The following MEIKIN variants were observed in gnomAD, a reference collection of about 807,000 sequenced individuals.
MEIKIN encodes the protein meiosis-specific kinetochore protein.
intron 8 of MEIKIN, among the ~76,000 whole-genome samples, chr5:131,880,264 ATTTT>A (rs67579794): frequency 7.2e-6 from 1 of 138,328 alleles, no homozygotes; most frequent in South Asian, 2.3e-4. Flanking sequence ...TAATTTTTGT[ATTTT>A]TTTTTTTTTT....
intron 12 of MEIKIN, among the ~76,000 whole-genome samples, chr5:131,813,620 G>C (rs961475309): frequency 1.3e-5 from 2 of 151,830 alleles, no homozygotes; most frequent in African/African-American, 4.8e-5. Flanking sequence ...GTAGAGACGG[G>C]GTTTCACTGT....
chr5:131,930,464 T>C (rs1041358239), intron 5 of MEIKIN, among the ~76,000 whole-genome samples: 5 of 152,216 alleles, frequency 3.3e-5, no homozygotes, highest in Admixed American at 1.3e-4. Flanking sequence ...GATAGTTTAT[T>C]TTGCTGTGCA....
At chr5:131,865,939 T>C (rs752325230) in intron 9 of MEIKIN, among the ~76,000 whole-genome samples, 1 of 152,220 alleles carries the variant, frequency 6.6e-6, no homozygotes, top group Non-Finnish European at 1.5e-5. Flanking sequence ...ATGTTAAGCA[T>C]GCCTGTCCTT....
At chr5:131,834,163 A>G (rs1225031873) in intron 11 of MEIKIN, among the ~76,000 whole-genome samples, 1 of 152,208 alleles carries the variant, frequency 6.6e-6, no homozygotes, top group African/African-American at 2.4e-5. Context: ...CTAAGTGTCC[A>G]CTGTATTTTA....
At chr5:131,893,365 T>C (rs1750971119) in intron 8 of MEIKIN, among the ~76,000 whole-genome samples, 1 of 152,198 alleles carries the variant, frequency 6.6e-6, no homozygotes, top group African/African-American at 2.4e-5. Flanking sequence ...TGAGCAAGGC[T>C]CCATGGGCGT....
chr5:131,937,213 G>A (rs1317075768), intron 4 of MEIKIN, among the ~76,000 whole-genome samples: 1 of 152,084 alleles, frequency 6.6e-6, no homozygotes, highest in African/African-American at 2.4e-5. Context: ...CTGAGAAAAG[G>A]TACAAAGAAT....
At chr5:131,922,032 A>G (rs774764114) in intron 5 of MEIKIN, 91 bp from the exon 6 acceptor site, 2 of 395,722 alleles carry the variant, frequency 5.1e-6, no homozygotes, top group Admixed American at 4.4e-5. Context: ...CCCCCAGCCC[A>G]TACTAAATGA....
intron 8 of MEIKIN, among the ~76,000 whole-genome samples, chr5:131,909,416 T>C (rs1751297883): frequency 6.6e-6 from 1 of 151,984 alleles, no homozygotes; most frequent in African/African-American, 2.4e-5. Context: ...AAAATCAAAT[T>C]AAAATGGATT....
At chr5:131,867,702 A>T (rs892227540) in intron 9 of MEIKIN, among the ~76,000 whole-genome samples, 1 of 152,176 alleles carries the variant, frequency 6.6e-6, no homozygotes. Flanking sequence ...ATTGCTGGAT[A>T]CCTAATTCCT....
At chr5:131,885,188 G>A (rs1168832917) in intron 8 of MEIKIN, among the ~76,000 whole-genome samples, 1 of 152,048 alleles carries the variant, frequency 6.6e-6, no homozygotes, top group East Asian at 1.9e-4. Flanking sequence ...GAAAACACAG[G>A]CAATAGCCAG....
chr5:131,875,048 C>G (rs893724830), intron 9 of MEIKIN, among the ~76,000 whole-genome samples: 25 of 152,116 alleles, frequency 1.6e-4, no homozygotes, highest in Non-Finnish European at 2.4e-4. Flanking sequence ...TACTGAATGG[C>G]CAAAAACTGG....
intron 3 of MEIKIN, 120 bp downstream of exon 3, chr5:131,944,545 T>C (rs532315370): frequency 2.5e-6 from 1 of 396,390 alleles, no homozygotes; most frequent in East Asian, 3.6e-5. Context: ...ATAAAAATAC[T>C]GGTGAGCTAT....
intron 4 of MEIKIN, among the ~76,000 whole-genome samples, chr5:131,941,007 T>A (rs1378330812): frequency 6.6e-6 from 1 of 152,104 alleles, no homozygotes. Context: ...TGAGTAATTA[T>A]CAGGGTTTTC....
At chr5:131,942,534 ACCTCTT>A in intron 4 of MEIKIN, 95 bp downstream of exon 4, 1 of 392,466 alleles carries the variant, frequency 2.5e-6, no homozygotes, top group East Asian at 3.6e-5. Context: ...GGGAAAAGAT[ACCTCTT>A]CCACTGAGAT....
intron 8 of MEIKIN, among the ~76,000 whole-genome samples, chr5:131,886,224 A>T (rs1386168203): frequency 6.6e-6 from 1 of 152,180 alleles, no homozygotes; most frequent in Non-Finnish European, 1.5e-5. Context: ...GGAGGTAGAG[A>T]AAAAGACAGG....
intron 11 of MEIKIN, among the ~76,000 whole-genome samples, chr5:131,825,366 C>G (rs979404534): frequency 6.6e-6 from 1 of 152,134 alleles, no homozygotes; most frequent in African/African-American, 2.4e-5. Flanking sequence ...TTCAGAAAAG[C>G]TGTTATACTC....
intron 9 of MEIKIN, among the ~76,000 whole-genome samples, chr5:131,863,500 T>A (rs1750324177): frequency 6.6e-6 from 1 of 151,644 alleles, no homozygotes; most frequent in Non-Finnish European, 1.5e-5. Flanking sequence ...GTATTTAGTA[T>A]TGTTACACGC....
chr5:131,867,622 AC>A (rs1419211222), intron 9 of MEIKIN, among the ~76,000 whole-genome samples: 16 of 152,230 alleles, frequency 1.1e-4, no homozygotes, highest in African/African-American at 3.9e-4. Flanking sequence ...TTGGAATCAC[AC>A]AGTATGTAGC....
rs984011194 is a variant in MEIKIN at position 131,842,217 on chromosome 5, G to A, written c.975+9047C>T. ...CTTGACCTCGTGATCTGCCTGCCTCGGTCTCCCAAAGTGCTGGGATTACAG... is the reference window on the plus strand; with the variant it reads ...CTTGACCTCGTGATCTGCCTGCCTCAGTCTCCCAAAGTGCTGGGATTACAG... On this transcript the variant is annotated intron_variant, in intron 11 of 12. Transcript: ENST00000442687. 1.3e-4 allele frequency among the ~76,000 whole-genome samples: 20 copies of A among 152,112 alleles called. No homozygotes were observed. The East Asian group carries it at 2.3e-3, about 18-fold the overall frequency.
Sources: gnomAD v4.1 joint callset for allele counts (sites outside exome capture counted in the v4.1 genomes callset) on GRCh38, gnomAD v4.1.1 for gene constraint, MANE v1.5 for transcripts, NCBI Gene and HGNC (gene_info 2026-07-23, HGNC 2026-07-21) for gene names.